Variants in ZBTB47 observed in about 807,000 individuals in gnomAD.
ZBTB47 encodes the protein zinc finger and BTB domain containing 47.
ZBTB47 carries 24 observed loss-of-function variants against 56.6 expected under a neutral mutation model. The observed-to-expected ratio is 0.42, with a 90% CI of 0.31 to 0.60. The LOEUF is 0.60. Among genes scored for constraint, ZBTB47 ranks in the 20% least tolerant of loss-of-function variants. The pLI is 0.14. For synonymous variants in ZBTB47, 414 were observed against 418.9 expected, an observed-to-expected ratio of 0.99 and a Z score of 0.14; for missense variants, 829 against 1,032.6, an observed-to-expected ratio of 0.80 and a Z score of 2.70.
At position 42,658,664 on chromosome 3, in the gene ZBTB47, G is replaced by A. The variant is rs931533602; in HGVS notation, c.309G>A (p.Ala103=). Residue 103 remains alanine, a synonymous_variant, in exon 2 of 6, where the codon GCG becomes GCA. Coordinates refer to ENST00000232974, the MANE Select transcript of ZBTB47 (RefSeq NM_145166.4). ...TGCTGCAGATGGCTGACATCGCTGC[G>A]TCCTGCCAAGAGCTGCTGGACGCCC... is the stretch of plus-strand genomic sequence containing the variant. ...ASLLQMADIA[A]SCQELLDARS... 40 of 1,536,444 alleles carry A rather than the reference G, an allele frequency of 2.6e-5. No homozygotes were observed. The highest frequency in any genetic ancestry group is 1.7e-4 in the Middle Eastern group (1 of 6,012).
At position 42,659,239 on chromosome 3, in the gene ZBTB47, G is replaced by A; in HGVS notation, c.884G>A (p.Gly295Asp). The A allele has an allele frequency of 1.3e-6, 2 of 1,529,912 alleles. No individual in the cohort carries two copies. Among genetic ancestry groups the A allele is most frequent in the East Asian group, 2.4e-5 (1 of 40,974 alleles). 94.8% of individuals were successfully genotyped at this position (1,529,912 alleles called of 1,614,324 possible). ...EEEEEEEEEE[G>D]GGSGREEEEE... The stretch of plus-strand genomic sequence containing the variant: ...GAGGAGGAAGAAGAGGAAGAGGAAG[G>A]TGGTGGCAGTGGACGGGAGGAGGAG... Residue 295 changes from glycine (G) to aspartate (D), a missense_variant, in exon 2 of 6, where the codon GGT becomes GAT. By Grantham distance (94) the Gly-to-Asp change is moderately conservative. This residue lies in a region of ZBTB47 where 359 missense variants were observed against 359.8 expected (regional missense o/e 1.00). Coordinates refer to ENST00000232974, the MANE Select transcript of ZBTB47 (RefSeq NM_145166.4).
In ZBTB47 at chr3:42,659,697, C is replaced by A; in HGVS notation, c.1342C>A (p.Arg448Ser). ...GAAGTGCCCACGAGTTTTCAACAACCGCTGGTACCTGGAGAAACACATGAA... is the reference window on the plus strand; with the variant it reads ...GAAGTGCCCACGAGTTTTCAACAACAGCTGGTACCTGGAGAAACACATGAA... The part of the protein sequence containing the change: ...CQKCPRVFNN[R>S]WYLEKHMNVT... Residue 448 changes from arginine (R) to serine (S), a missense_variant, in exon 2 of 6, where the codon CGC becomes AGC. This residue lies in a region of ZBTB47 where 187 missense variants were observed against 253.1 expected (regional missense o/e 0.74). Transcript: ENST00000232974. The A allele has an allele frequency of 6.2e-7, 1 of 1,613,452 alleles. No homozygotes were observed. The highest frequency in any genetic ancestry group is 8.5e-7 in the Non-Finnish European group (1 of 1,179,688).
chr3:42,654,767 C>T lies in ZBTB47; in HGVS notation c.-82+884C>T. 1.0e-6 allele frequency: 1 copy of T among 970,440 alleles called. No homozygotes were observed. Among genetic ancestry groups the T allele is most frequent in the Non-Finnish European group, 1.2e-6 (1 of 816,298 alleles). 60.1% of individuals were successfully genotyped at this position (970,440 alleles called of 1,614,324 possible). A position where few individuals can be genotyped will look rare whatever the true frequency, so the allele number is the denominator to read the frequency against. On this transcript the variant is annotated intron_variant, in intron 1 of 5. Transcript: ENST00000232974. The surrounding 1 kb of genome is among the most constrained non-coding windows in gnomAD (Gnocchi z 5.0). ...GCTCTGACCTCCCAGGCACACGGCCCGCGGGCCCGGGTGGAGGGGCTGGAG... is the reference window on the plus strand; with the variant it reads ...GCTCTGACCTCCCAGGCACACGGCCTGCGGGCCCGGGTGGAGGGGCTGGAG...
At chr3:42,662,659 G>A (rs1221664895) in intron 3 of ZBTB47, among the ~76,000 whole-genome samples, 2 of 152,200 alleles carry the variant, frequency 1.3e-5, no homozygotes, top group African/African-American at 4.8e-5. Flanking sequence ...GAGACTGAGT[G>A]GGAAGCCAGT....
chr3:42,655,091 G>C (rs977301640), intron 1 of ZBTB47, among the ~76,000 whole-genome samples: 3 of 152,210 alleles, frequency 2.0e-5, no homozygotes, highest in South Asian at 2.1e-4. Flanking sequence ...CCGGGCCAAG[G>C]GGGTGTGGGA....
rs748150616 is a variant in ZBTB47, at chr3:42,664,231, C to A, written c.1883-6C>A. On this transcript the variant is annotated splice_polypyrimidine_tract_variant and splice_region_variant and intron_variant, in intron 5 of 5. Coordinates refer to ENST00000232974, the MANE Select transcript of ZBTB47 (RefSeq NM_145166.4). The stretch of plus-strand genomic sequence containing the variant: ...TGACGCCCTGCTGCCCACCCCCAAC[C>A]CCCAGGAGAGAAGCCGTACATCTGC... 22 of 1,613,410 alleles carry A rather than the reference C, an allele frequency of 1.4e-5. No homozygotes were observed. Among genetic ancestry groups the A allele is most frequent in the Non-Finnish European group, 1.9e-5 (22 of 1,179,660 alleles).
chr3:42,656,815 C>T lies in ZBTB47; in HGVS notation c.-81-1460C>T, dbSNP rs1023399647. On this transcript the variant is annotated intron_variant, in intron 1 of 5. Transcript: ENST00000232974. This position sits in a 1 kb window ranked among gnomAD's most constrained non-coding sequence, Gnocchi z 5.8. Reference sequence around the variant, plus strand: ...CTGCCCAATCCCAGCCTACCCACTGCTCTCCTGGCGATGGAAGGCCTGGCA... The same window carrying T: ...CTGCCCAATCCCAGCCTACCCACTGTTCTCCTGGCGATGGAAGGCCTGGCA... Among the ~76,000 whole-genome samples, 4 of 152,142 alleles carry T rather than the reference C, an allele frequency of 2.6e-5. No homozygotes were observed. The highest frequency in any genetic ancestry group is 9.7e-5 in the African/African-American group (4 of 41,430).
rs868011816 is a variant in ZBTB47 at position 42,656,456 on chromosome 3, A to G, written c.-81-1819A>G. Among the ~76,000 whole-genome samples the G allele has an allele frequency of 2.0e-5, 3 of 152,128 alleles. No homozygotes were observed. The highest frequency in any genetic ancestry group is 7.2e-5 in the African/African-American group (3 of 41,422). ...CCCAGAAGATGAATCAGAATGAGTCAGAGGAGGGAGATGGGAGGGGCTTGG... is the reference window on the plus strand; with the variant it reads ...CCCAGAAGATGAATCAGAATGAGTCGGAGGAGGGAGATGGGAGGGGCTTGG... On this transcript the variant is annotated intron_variant, in intron 1 of 5. Coordinates refer to ENST00000232974, the MANE Select transcript of ZBTB47 (RefSeq NM_145166.4). This position sits in a 1 kb window ranked among gnomAD's most constrained non-coding sequence, Gnocchi z 5.8.
chr3:42,654,682 G>C lies in ZBTB47; in HGVS notation c.-82+799G>C, dbSNP rs1280069327. 4 of 984,790 alleles carry C rather than the reference G, an allele frequency of 4.1e-6. No homozygotes were observed. The highest frequency in any genetic ancestry group is 3.6e-6 in the Non-Finnish European group (3 of 829,738). 61.0% of individuals were successfully genotyped at this position (984,790 alleles called of 1,614,324 possible). On this transcript the variant is annotated intron_variant, in intron 1 of 5. Coordinates refer to ENST00000232974, the MANE Select transcript of ZBTB47 (RefSeq NM_145166.4). The surrounding 1 kb of genome is among the most constrained non-coding windows in gnomAD (Gnocchi z 5.0). The stretch of plus-strand genomic sequence containing the variant: ...CCGCGGGGCCCTGTGAGCCCCCAGC[G>C]CCACGGCACCATGGTACGCAGGGCC...
rs369291583 is a variant in ZBTB47 at position 42,666,379 on chromosome 3, T to G, written c.*1781T>G. Among the ~76,000 whole-genome samples the G allele has an allele frequency of 6.6e-6, 1 of 152,180 alleles. No homozygotes were observed. The highest frequency in any genetic ancestry group is 2.1e-4 in the South Asian group (1 of 4,828). ...CTGGTCAGGACCCCCACCCCAAGGC[T>G]GGGGACTCCAGGCTCCTGCTTTACT... On this transcript the variant is annotated 3_prime_UTR_variant, in exon 6 of 6. Coordinates refer to ENST00000232974, the MANE Select transcript of ZBTB47 (RefSeq NM_145166.4).
rs1379728115 is a variant in ZBTB47, at chr3:42,656,096, A to G, written c.-81-2179A>G. Among the ~76,000 whole-genome samples the G allele has an allele frequency of 6.6e-6, 1 of 152,124 alleles. No homozygotes were observed. Among genetic ancestry groups the G allele is most frequent in the Admixed American group, 6.5e-5 (1 of 15,290 alleles). On this transcript the variant is annotated intron_variant, in intron 1 of 5. Coordinates refer to ENST00000232974, the MANE Select transcript of ZBTB47 (RefSeq NM_145166.4). The surrounding 1 kb of genome is among the most constrained non-coding windows in gnomAD (Gnocchi z 5.8). ...CCTGGCTTCAGCAAACCCTTATCCA[A>G]GCCACTTCTCCTGCCAGTCTTTGGC...
At chr3:42,653,291 C>T (rs1038059313), upstream of ZBTB47, among the ~76,000 whole-genome samples, 4 of 152,204 alleles carry the variant, frequency 2.6e-5, no homozygotes, top group South Asian at 8.3e-4. Flanking sequence ...CCTGAGCCAG[C>T]GCCAGAGTTC....
intron 5 of ZBTB47, 105 bp from the exon 6 acceptor site, chr3:42,664,132 G>A (rs745783706): frequency 1.7e-5 from 25 of 1,504,012 alleles, no homozygotes; most frequent in Non-Finnish European, 2.2e-5. Context: ...ATCTGAGAGC[G>A]CCGGGGCTGG....
At chr3:42,661,750 A>G in intron 3 of ZBTB47, 118 bp downstream of exon 3, 1 of 1,370,676 alleles carries the variant, frequency 7.3e-7, no homozygotes, top group Non-Finnish European at 9.8e-7. Flanking sequence ...GGCCCCTCTC[A>G]GCTAGGAGGC....
rs1356626306 is a variant in ZBTB47 at position 42,663,974 on chromosome 3, C to A, written c.1882+33C>A. 1.9e-5 allele frequency: 30 copies of A among 1,589,702 alleles called. No individual in the cohort carries two copies. The highest frequency in any genetic ancestry group is 2.6e-5 in the Non-Finnish European group (30 of 1,165,808). On this transcript the variant is annotated intron_variant, in intron 5 of 5. Transcript: ENST00000232974. The surrounding 1 kb of genome is among the most constrained non-coding windows in gnomAD (Gnocchi z 5.1). ...TGCCCCTGGGGACGGAGCTCGGTGC[C>A]GGGCCTGGGACCCCTTCTCAGCCCC...
At chr3:42,662,440 C>T (rs1181648705) in intron 3 of ZBTB47, among the ~76,000 whole-genome samples, 1 of 152,224 alleles carries the variant, frequency 6.6e-6, no homozygotes, top group Admixed American at 6.5e-5. Context: ...AGCCTTCTGT[C>T]TCCAGTGGCC....
rs1421952435 is a variant in ZBTB47, at chr3:42,664,301, G to A, written c.1947G>A (p.Arg649=). The A allele has an allele frequency of 1.2e-5, 20 of 1,613,284 alleles. No homozygotes were observed. Among genetic ancestry groups the A allele is most frequent in the Non-Finnish European group, 1.7e-5 (20 of 1,179,798 alleles). The part of the protein sequence containing the change: ...KSFTSRPNMK[R]HRRTHTGEKP... ...TCACCAGCCGGCCCAACATGAAGCGGCACCGGCGCACGCACACGGGCGAGA... is the reference window on the plus strand; with the variant it reads ...TCACCAGCCGGCCCAACATGAAGCGACACCGGCGCACGCACACGGGCGAGA... Residue 649 remains arginine, a synonymous_variant, in exon 6 of 6, where the codon CGG becomes CGA. Coordinates refer to ENST00000232974, the MANE Select transcript of ZBTB47 (RefSeq NM_145166.4).
intron 3 of ZBTB47, 111 bp downstream of exon 3, chr3:42,661,743 C>G: frequency 7.0e-7 from 1 of 1,428,426 alleles, no homozygotes. Context: ...GTGAGGAGGC[C>G]CCTCTCAGCT....
At position 42,663,052 on chromosome 3, in the gene ZBTB47, A is replaced by G. The variant is rs761020870; in HGVS notation, c.1662A>G (p.Gly554=). The change falls in exon 4 of 6, where the codon GGA becomes GGG. Residue 554 remains glycine, a synonymous_variant. Transcript: ENST00000232974. The surrounding 1 kb of genome is among the most constrained non-coding windows in gnomAD (Gnocchi z 5.1). ...KDMPFTCETC[G]KSFKRSMSLK... ...TGCCCTTCACCTGCGAGACCTGCGG[A>G]AAGTCCTTCAAGCGCAGCATGTCCC... The G allele has an allele frequency of 8.1e-6, 13 of 1,613,782 alleles. No homozygotes were observed. The highest frequency in any genetic ancestry group is 2.2e-5 in the East Asian group (1 of 44,892).
Sources: gnomAD v4.1 joint callset for allele counts (sites outside exome capture counted in the v4.1 genomes callset) on GRCh38, gnomAD v4.1.1 for gene constraint, gnomAD v4.1.1 regional missense constraint, Gnocchi (gnomAD v3.1) non-coding constraint, MANE v1.5 for transcripts, NCBI Gene and HGNC (gene_info 2026-07-23, HGNC 2026-07-21) for gene names.